PDZRN4: variants seen among roughly 807,000 people sequenced by gnomAD.
The protein encoded by PDZRN4 is PDZ domain-containing RING finger protein 4.
A neutral mutation model predicts 99.0 loss-of-function variants in PDZRN4; 70 were observed. The ratio of observed to expected loss-of-function variants is 0.71; its 90% CI spans 0.58 to 0.86. The LOEUF (loss-of-function observed/expected upper bound fraction) is 0.86. PDZRN4 is among the 40% of genes least tolerant of loss of function. The pLI is 0.00. For missense variants in PDZRN4, 1,474 were observed against 1,331.2 expected, an observed-to-expected ratio of 1.11 and a Z score of -1.67; for synonymous variants, 551 against 501.6, an observed-to-expected ratio of 1.10 and a Z score of -1.32.
intron 3 of PDZRN4, among the ~76,000 whole-genome samples, chr12:41,309,084 T>A (rs890614692): frequency 2.6e-5 from 4 of 152,044 alleles, no homozygotes. Context: ...TCAAAAACAA[T>A]ACTATAAAAG....
intron 3 of PDZRN4, among the ~76,000 whole-genome samples, chr12:41,461,908 A>C (rs1952876830): frequency 6.6e-6 from 1 of 151,904 alleles, no homozygotes; most frequent in South Asian, 2.1e-4. Context: ...TCACTCTCTC[A>C]CCCAACCCCC....
intron 3 of PDZRN4, among the ~76,000 whole-genome samples, chr12:41,244,504 T>C (rs1951120653): frequency 6.6e-6 from 1 of 152,196 alleles, no homozygotes; most frequent in South Asian, 2.1e-4. Flanking sequence ...GCTCCACTGC[T>C]GCATCTCTGA....
intron 3 of PDZRN4, among the ~76,000 whole-genome samples, chr12:41,350,341 C>G (rs1187749674): frequency 6.6e-6 from 1 of 152,016 alleles, no homozygotes; most frequent in African/African-American, 2.4e-5. Flanking sequence ...ATGCTTGTGA[C>G]TTTGTTGCCT....
rs1356646607 is a variant in PDZRN4, at chr12:41,470,492, CT to C, written c.844-35955del. Among the ~76,000 whole-genome samples, 7 of 50,864 alleles carry C rather than the reference CT, an allele frequency of 1.4e-4. No homozygotes were observed. In the Admixed American group the frequency reaches 1.4e-3, roughly 10 times the overall value. The allele number at this position is 50,864 out of a possible 152,430, so 33.4% of individuals were successfully genotyped here. A position where few individuals can be genotyped will look rare whatever the true frequency, so the allele number is the denominator to read the frequency against. ...CTGTCATTCCCTGTGGCTTCACTTC[CT>C]TTTTTTTTAATTTAATTATTATTAT... On this transcript the variant is annotated intron_variant, in intron 3 of 9. Transcript: ENST00000402685.
At chr12:41,567,684 G>A in intron 8 of PDZRN4, 99 bp from the exon 9 acceptor site, 2 of 467,332 alleles carry the variant, frequency 4.3e-6, no homozygotes, top group Non-Finnish European at 3.7e-6. Flanking sequence ...GAATCATTAT[G>A]ATAAAAGGAA....
chr12:41,252,662 C>T (rs1951178495), intron 3 of PDZRN4, among the ~76,000 whole-genome samples: 1 of 152,106 alleles, frequency 6.6e-6, no homozygotes, highest in South Asian at 2.1e-4. Flanking sequence ...ATTGCTTGAA[C>T]CCGGGAGGTG....
intron 3 of PDZRN4, among the ~76,000 whole-genome samples, chr12:41,204,749 C>T (rs1056208566): frequency 3.3e-5 from 5 of 151,976 alleles, no homozygotes; most frequent in African/African-American, 9.7e-5. Flanking sequence ...ATGGGAATTA[C>T]AATTCAGGAT....
intron 3 of PDZRN4, among the ~76,000 whole-genome samples, chr12:41,232,175 AG>A: frequency 6.6e-6 from 1 of 152,202 alleles, no homozygotes; most frequent in East Asian, 1.9e-4. Flanking sequence ...ATGCTAAAAA[AG>A]TAAGAGCTGA....
At chr12:41,520,802 G>A (rs761148957) in intron 5 of PDZRN4, among the ~76,000 whole-genome samples, 2 of 151,958 alleles carry the variant, frequency 1.3e-5, no homozygotes, top group African/African-American at 2.4e-5. Context: ...GCACTGGATG[G>A]TAATATTTTT....
At chr12:41,196,267 T>C (rs930721403) in intron 3 of PDZRN4, among the ~76,000 whole-genome samples, 2 of 152,118 alleles carry the variant, frequency 1.3e-5, no homozygotes, top group African/African-American at 4.8e-5. Flanking sequence ...TTTAACTAGC[T>C]GCGGTATTAT....
chr12:41,347,324 T>C (rs149965658), intron 3 of PDZRN4, among the ~76,000 whole-genome samples: 248 of 152,276 alleles, frequency 1.6e-3, no homozygotes, highest in African/African-American at 5.8e-3. Flanking sequence ...TTGTGTTTTT[T>C]ATTATAGCTA....
intron 5 of PDZRN4, among the ~76,000 whole-genome samples, chr12:41,519,769 G>A (rs1938462194): frequency 6.6e-6 from 1 of 152,062 alleles, no homozygotes. Flanking sequence ...CCTCTTAGTA[G>A]ATATATTGTG....
intron 3 of PDZRN4, among the ~76,000 whole-genome samples, chr12:41,479,074 C>T (rs1205880772): frequency 6.6e-6 from 1 of 151,962 alleles, no homozygotes; most frequent in African/African-American, 2.4e-5. Context: ...TAATGAAATC[C>T]ATCCAAATAC....
At chr12:41,317,439 C>G (rs1355776859) in intron 3 of PDZRN4, among the ~76,000 whole-genome samples, 1 of 152,132 alleles carries the variant, frequency 6.6e-6, no homozygotes, top group African/African-American at 2.4e-5. Flanking sequence ...ATCTGCTTTA[C>G]TCAGAGTCTA....
At chr12:41,477,048 C>T (rs758950475) in intron 3 of PDZRN4, among the ~76,000 whole-genome samples, 16 of 152,156 alleles carry the variant, frequency 1.1e-4, no homozygotes, top group Non-Finnish European at 1.8e-4. Flanking sequence ...AATAACCTCC[C>T]GCTGAAGCAG....
intron 3 of PDZRN4, among the ~76,000 whole-genome samples, chr12:41,497,391 G>T (rs1051885945): frequency 6.6e-6 from 1 of 151,946 alleles, no homozygotes; most frequent in Non-Finnish European, 1.5e-5. Context: ...AGAAAATTTT[G>T]TCTCCATCTG....
intron 5 of PDZRN4, among the ~76,000 whole-genome samples, chr12:41,542,278 A>C (rs35002976): frequency 0.23 from 34,838 of 152,148 alleles, 4,818 homozygotes; most frequent in African/African-American, 0.38. Context: ...TAGACATTAC[A>C]ATAGGGATTT....
At chr12:41,453,359 GCTCCTTAAGGTTACATTGTCCTT>G in intron 3 of PDZRN4, among the ~76,000 whole-genome samples, 1 of 152,128 alleles carries the variant, frequency 6.6e-6, no homozygotes, top group African/African-American at 2.4e-5. Context: ...ACAAGGTCGG[GCTCCTTAAGGTTACATTGTCCTT>G]CTCCTCTTTA....
At chr12:41,472,943 C>T (rs1474392528) in intron 3 of PDZRN4, among the ~76,000 whole-genome samples, 2 of 152,178 alleles carry the variant, frequency 1.3e-5, no homozygotes, top group Non-Finnish European at 2.9e-5. Flanking sequence ...TAGGTTTTTA[C>T]ATAATAATCT....
Sources: gnomAD v4.1 joint callset for allele counts (sites outside exome capture counted in the v4.1 genomes callset) on GRCh38, gnomAD v4.1.1 for gene constraint, MANE v1.5 for transcripts, NCBI Gene and HGNC (gene_info 2026-07-23, HGNC 2026-07-21) for gene names.